The following WDR11 variants were observed in gnomAD, a reference collection of about 807,000 sequenced individuals.
WDR11 encodes WD repeat domain 11, also known as WD repeat-containing protein 11.
In WDR11, 83 loss-of-function variants were observed where a neutral mutation model predicts 151.2. That is an observed-to-expected ratio of 0.55 (90% CI 0.46 to 0.66). The LOEUF (loss-of-function observed/expected upper bound fraction) is 0.66. Among genes scored for constraint, WDR11 ranks in the 30% least tolerant of loss-of-function variants. The pLI is 0.00. For missense variants in WDR11, 1,301 were observed against 1,480.9 expected, an observed-to-expected ratio of 0.88 and a Z score of 1.99; for synonymous variants, 484 against 533.1, an observed-to-expected ratio of 0.91 and a Z score of 1.27.
intron 12 of WDR11, chr10:120,880,184 A>G (rs1205270148): frequency 6.6e-6 from 1 of 152,252 alleles, no homozygotes; most frequent in Non-Finnish European, 1.5e-5. Flanking sequence ...TTGCTGTACC[A>G]TAAATATCTT....
intron 9 of WDR11, among the ~76,000 whole-genome samples, chr10:120,868,153 A>T (rs548221783): frequency 1.3e-5 from 2 of 152,228 alleles, no homozygotes; most frequent in Non-Finnish European, 2.9e-5. Context: ...TAAATAAGTG[A>T]TGCACTAGAA....
chr10:120,874,190 TTTGTTGTTGTTGTTGTTG>T (rs1554854853), intron 11 of WDR11, among the ~76,000 whole-genome samples: 5 of 105,120 alleles, frequency 4.8e-5, no homozygotes, highest in African/African-American at 1.8e-4. Flanking sequence ...TTTTTTTTTT[TTTGTTGTTGTTGTTGTTG>T]TTTGTTTTGT....
chr10:120,865,771 A>G, intron 7 of WDR11, 27 bp downstream of exon 7: 1 of 1,466,032 alleles, frequency 6.8e-7, no homozygotes, highest in Admixed American at 1.7e-5. Context: ...CAATAATGTT[A>G]TATTTTTCTT....
chr10:120,893,894 C>G (rs1300549857), intron 19 of WDR11, among the ~76,000 whole-genome samples: 3 of 151,788 alleles, frequency 2.0e-5, no homozygotes, highest in East Asian at 1.9e-4. Context: ...TGTTTGAGTT[C>G]ATTGTAGATT....
chr10:120,893,679 G>T (rs1048014579), intron 19 of WDR11, among the ~76,000 whole-genome samples: 1 of 151,636 alleles, frequency 6.6e-6, no homozygotes, highest in Non-Finnish European at 1.5e-5. Context: ...AGCACCTGTT[G>T]TTTCCTGACT....
chr10:120,902,682 C>T (rs988768426), intron 22 of WDR11, among the ~76,000 whole-genome samples: 8 of 138,100 alleles, frequency 5.8e-5, no homozygotes, highest in Non-Finnish European at 1.0e-4. Flanking sequence ...GACTCCTCTC[C>T]CCACAGAATA....
chr10:120,855,976 G>GT, intron 2 of WDR11: 2 of 152,280 alleles, frequency 1.3e-5, no homozygotes, highest in East Asian at 1.9e-4. Context: ...CTGATGTAAG[G>GT]TATAGGGTGT....
At chr10:120,880,147 T>C (rs1404201881) in intron 12 of WDR11, 1 of 152,224 alleles carries the variant, frequency 6.6e-6, no homozygotes, top group East Asian at 1.9e-4. Flanking sequence ...AATATTACTT[T>C]AAATAAGTAG....
At chr10:120,881,268 T>C (rs1361148413) in intron 13 of WDR11, among the ~76,000 whole-genome samples, 1 of 152,150 alleles carries the variant, frequency 6.6e-6, no homozygotes, top group Non-Finnish European at 1.5e-5. Flanking sequence ...GAAAATAACA[T>C]GTAAAGCAGT....
At position 120,866,701 on chromosome 10, in the gene WDR11, G is replaced by C. The variant is rs780322136; in HGVS notation, c.1127G>C (p.Ser376Thr). 1 of 1,614,174 alleles carries C rather than the reference G, an allele frequency of 6.2e-7. No individual in the cohort carries two copies. Among genetic ancestry groups the C allele is most frequent in the South Asian group, 1.1e-5 (1 of 91,084 alleles). ...VNENAAALVV[S>T]DGRVMIWELK... is the part of the protein sequence containing the mutation. ...GAGAATGCAGCCGCCCTCGTAGTGA[G>C]TGATGGCAGGGTCATGATATGGGAA... Residue 376 changes from serine to threonine, a missense_variant, in exon 8 of 29, where the codon AGT becomes ACT. This residue lies in a region of WDR11 where 692 missense variants were observed against 762.5 expected (regional missense o/e 0.91). Coordinates refer to ENST00000263461, the MANE Select transcript of WDR11 (RefSeq NM_018117.12).
At chr10:120,873,696 G>T in intron 10 of WDR11, 143 bp from the exon 11 acceptor site, 1 of 674,872 alleles carries the variant, frequency 1.5e-6, no homozygotes, top group East Asian at 2.7e-5. Flanking sequence ...ATTCTTCTTT[G>T]TGTGTTTGTT....
intron 20 of WDR11, 75 bp downstream of exon 20, chr10:120,900,212 C>T: frequency 8.1e-7 from 1 of 1,231,152 alleles, no homozygotes; most frequent in East Asian, 2.3e-5. Context: ...CAGCCATGGC[C>T]TGTACTCCAG....
intron 19 of WDR11, among the ~76,000 whole-genome samples, chr10:120,894,997 G>C (rs1277101570): frequency 5.3e-5 from 8 of 152,070 alleles, no homozygotes. Context: ...TTTGCTTTTG[G>C]AGAAATAACA....
chr10:120,872,220 CCTAT>C (rs1219442153), intron 10 of WDR11, among the ~76,000 whole-genome samples: 2 of 152,076 alleles, frequency 1.3e-5, no homozygotes, highest in East Asian at 3.8e-4. Context: ...TTTTTCTGTG[CCTAT>C]CTTTTGAAAG....
chr10:120,875,894 A>G (rs17508494), intron 11 of WDR11, among the ~76,000 whole-genome samples: 19,403 of 151,796 alleles, frequency 0.13, 1,369 homozygotes, highest in South Asian at 0.17. Flanking sequence ...GGTCTTGTGT[A>G]TAAAAATTCT....
chr10:120,855,373 GTTTAT>G (rs1845912589), intron 2 of WDR11, among the ~76,000 whole-genome samples: 1 of 151,972 alleles, frequency 6.6e-6, no homozygotes, highest in African/African-American at 2.4e-5. Flanking sequence ...TTTATGAATT[GTTTAT>G]TTTTAGACTT....
At chr10:120,873,196 G>A (rs1846610065) in intron 10 of WDR11, among the ~76,000 whole-genome samples, 3 of 152,118 alleles carry the variant, frequency 2.0e-5, no homozygotes, top group Admixed American at 2.0e-4. Context: ...TGTGCTTAGT[G>A]CTTTATGTTT....
intron 9 of WDR11, 96 bp from the exon 10 acceptor site, chr10:120,871,074 T>C (rs188268954): frequency 1.6e-6 from 2 of 1,257,402 alleles, no homozygotes; most frequent in Admixed American, 2.0e-5. Flanking sequence ...ATTATACTTT[T>C]AGACCTGAAG....
At position 120,862,824 on chromosome 10, in the gene WDR11, C is replaced by T. The variant is rs1290250270; in HGVS notation, c.616C>T (p.Pro206Ser). 6.2e-7 allele frequency: 1 copy of T among 1,614,118 alleles called. No individual in the cohort carries two copies. Among genetic ancestry groups the T allele is most frequent in the South Asian group, 1.1e-5 (1 of 91,082 alleles). The change falls in exon 5 of 29, where the codon CCA (proline) becomes TCA (serine). Residue 206 changes from proline to serine, a missense_variant. This residue lies in a region of WDR11 where 692 missense variants were observed against 762.5 expected (regional missense o/e 0.91). Transcript: ENST00000263461. ...GPGKKVYISS[P>S]HSSPAHNKLA... ...TGGGAAAAAAGTTTACATATCCAGCCCACACTCTAGCCCAGCTCATAACAA... is the reference window on the plus strand; with the variant it reads ...TGGGAAAAAAGTTTACATATCCAGCTCACACTCTAGCCCAGCTCATAACAA...
Sources: gnomAD v4.1 joint callset for allele counts (sites outside exome capture counted in the v4.1 genomes callset) on GRCh38, gnomAD v4.1.1 for gene constraint, gnomAD v4.1.1 regional missense constraint, MANE v1.5 for transcripts, NCBI Gene and HGNC (gene_info 2026-07-23, HGNC 2026-07-21) for gene names.